Variants in WASHC3 observed in about 807,000 individuals in gnomAD.
WASHC3 encodes the protein WASH complex subunit CCDC53.
In WASHC3, 24 loss-of-function variants were observed where a neutral mutation model predicts 26.1. The observed-to-expected ratio is 0.92, with a 90% confidence interval of 0.66 to 1.29. The LOEUF (loss-of-function observed/expected upper bound fraction) is 1.29. Ranked by LOEUF, WASHC3 falls within the 50% of genes most tolerant of loss-of-function variation. The probability of loss-of-function intolerance (pLI) is 0.00; values close to 1 mark genes in which losing one functional copy is unlikely to be tolerated. For synonymous variants in WASHC3, 77 were observed against 75.7 expected, an observed-to-expected ratio of 1.02 and a Z score of -0.09; for missense variants, 214 against 229.6, an observed-to-expected ratio of 0.93 and a Z score of 0.44.
At chr12:102,047,663 T>C (rs1229337249) in intron 2 of WASHC3, among the ~76,000 whole-genome samples, 1 of 152,156 alleles carries the variant, frequency 6.6e-6, no homozygotes, top group Non-Finnish European at 1.5e-5. Context: ...CAAATTAATA[T>C]GTAAAGTGAA....
intron 2 of WASHC3, among the ~76,000 whole-genome samples, chr12:102,056,754 G>A (rs1026816321): frequency 3.9e-5 from 6 of 152,094 alleles, no homozygotes; most frequent in African/African-American, 1.4e-4. Context: ...ATAATAAGTA[G>A]AGAGATCAAA....
upstream of WASHC3, chr12:102,062,028 C>T (rs1878837342): frequency 2.2e-6 from 3 of 1,381,066 alleles, no homozygotes; most frequent in Non-Finnish European, 3.0e-6. Context: ...CCGCCCAACC[C>T]GGTAATCACG....
At chr12:102,042,892 C>T (rs1189673910) in intron 4 of WASHC3, among the ~76,000 whole-genome samples, 7 of 152,126 alleles carry the variant, frequency 4.6e-5, no homozygotes, top group Non-Finnish European at 1.0e-4. Flanking sequence ...CTGAGATACA[C>T]TAGAGATTGT....
chr12:102,052,657 T>G (rs952270898), intron 2 of WASHC3, among the ~76,000 whole-genome samples: 1 of 151,758 alleles, frequency 6.6e-6, no homozygotes, highest in African/African-American at 2.4e-5. Flanking sequence ...CCTGCAGATA[T>G]AGGTTCCAGG....
chr12:102,022,880 G>A (rs764316162), intron 6 of WASHC3, among the ~76,000 whole-genome samples: 6 of 151,626 alleles, frequency 4.0e-5, no homozygotes, highest in Non-Finnish European at 5.9e-5. Context: ...TTAACCTTTG[G>A]CCAAAGACCA....
At chr12:102,050,339 C>T (rs1878338824) in intron 2 of WASHC3, 4 of 444,638 alleles carry the variant, frequency 9.0e-6, no homozygotes, top group Non-Finnish European at 1.3e-5. Context: ...AACATTCTGG[C>T]CAGGTACAGT....
chr12:102,020,559 T>C (rs1876910674), intron 6 of WASHC3, among the ~76,000 whole-genome samples: 1 of 152,190 alleles, frequency 6.6e-6, no homozygotes, highest in Non-Finnish European at 1.5e-5. Flanking sequence ...TGGAAAAACA[T>C]GTATGATAAA....
intron 5 of WASHC3, among the ~76,000 whole-genome samples, chr12:102,032,540 T>G (rs1877481766): frequency 1.3e-5 from 2 of 152,150 alleles, no homozygotes; most frequent in South Asian, 4.1e-4. Flanking sequence ...CTGCCACATT[T>G]GGAACACAAC....
At chr12:102,061,435 T>G in intron 1 of WASHC3, 89 bp from the exon 2 acceptor site, 1 of 837,492 alleles carries the variant, frequency 1.2e-6, no homozygotes, top group Non-Finnish European at 2.0e-6. Context: ...ACGAGGCACT[T>G]TGCTGTGTGA....
At chr12:102,043,943 T>C in intron 4 of WASHC3, 162 bp downstream of exon 4, 1 of 422,762 alleles carries the variant, frequency 2.4e-6, no homozygotes, top group Middle Eastern at 3.4e-4. Flanking sequence ...CCCTTCAAAA[T>C]AACACAGCTA....
At chr12:102,060,092 T>C (rs1878741377) in intron 2 of WASHC3, among the ~76,000 whole-genome samples, 1 of 152,228 alleles carries the variant, frequency 6.6e-6, no homozygotes, top group African/African-American at 2.4e-5. Context: ...TTAATAGTAG[T>C]AACACACTTA....
intron 4 of WASHC3, chr12:102,040,398 G>C (rs1388979082): frequency 6.6e-6 from 1 of 151,986 alleles, no homozygotes; most frequent in Non-Finnish European, 1.5e-5. Context: ...GATTTCCTAG[G>C]TATCTAGAAT....
At chr12:102,042,500 A>C (rs1248503604) in intron 4 of WASHC3, among the ~76,000 whole-genome samples, 1 of 152,156 alleles carries the variant, frequency 6.6e-6, no homozygotes, top group Non-Finnish European at 1.5e-5. Flanking sequence ...TTGGCACCAG[A>C]CTGTCTGGGT....
In WASHC3 at chr12:102,049,406, C is replaced by T. The variant is rs555838168; in HGVS notation, c.151-3287G>A. Among the ~76,000 whole-genome samples, 3 of 152,344 alleles carry T rather than the reference C, an allele frequency of 2.0e-5. No individual in the cohort carries two copies. The South Asian group carries it at 6.2e-4, about 32-fold the overall frequency. ...TGGAAAGGTAACAGTCTTTCCCATC[C>T]ATTTAACCATCGTCTTCATGAAGAC... is the stretch of plus-strand genomic sequence containing the variant. On this transcript the variant is annotated intron_variant, in intron 2 of 6. Coordinates refer to ENST00000240079, the MANE Select transcript of WASHC3 (RefSeq NM_016053.4).
At chr12:102,054,314 C>T (rs73183997) in intron 2 of WASHC3, among the ~76,000 whole-genome samples, 5,965 of 152,212 alleles carry the variant, frequency 0.039, 165 homozygotes, top group African/African-American at 0.071. Context: ...AAAAATAAGA[C>T]CCAACTACCT....
chr12:102,041,600 TTGTC>T (rs898295444), intron 4 of WASHC3, among the ~76,000 whole-genome samples: 1 of 152,032 alleles, frequency 6.6e-6, no homozygotes. Flanking sequence ...TTATTCTCCT[TTGTC>T]TGATAAGTGA....
intron 5 of WASHC3, among the ~76,000 whole-genome samples, chr12:102,028,854 T>C (rs931969837): frequency 2.6e-5 from 4 of 151,686 alleles, no homozygotes; most frequent in African/African-American, 7.2e-5. Context: ...ATAAGAATAA[T>C]AGAAACCTAA....
At chr12:102,040,074 G>A in intron 4 of WASHC3, 96 bp from the exon 5 acceptor site, 2 of 488,176 alleles carry the variant, frequency 4.1e-6, no homozygotes, top group Non-Finnish European at 7.4e-6. Context: ...TTCTAAGGCA[G>A]TAAATTGCAG....
intron 5 of WASHC3, among the ~76,000 whole-genome samples, chr12:102,027,985 A>G (rs1877271351): frequency 6.6e-6 from 1 of 152,290 alleles, no homozygotes; most frequent in South Asian, 2.1e-4. Context: ...ATATTGTTCC[A>G]TGAGGCAATT....
Sources: gnomAD v4.1 joint callset for allele counts (sites outside exome capture counted in the v4.1 genomes callset) on GRCh38, gnomAD v4.1.1 for gene constraint, MANE v1.5 for transcripts, NCBI Gene and HGNC (gene_info 2026-07-23, HGNC 2026-07-21) for gene names.